Variants in TMOD1 observed in about 807,000 individuals in gnomAD.
The protein encoded by TMOD1 is tropomodulin-1.
A neutral mutation model predicts 40.6 loss-of-function variants in TMOD1; 17 were observed. The observed-to-expected ratio is 0.42, with a 90% confidence interval of 0.29 to 0.63. The LOEUF (loss-of-function observed/expected upper bound fraction) is 0.63, where lower values mean the gene tolerates loss of function less well. Among genes scored for constraint, TMOD1 ranks in the 20% least tolerant of loss-of-function variants. The pLI is 0.22. For synonymous variants in TMOD1, 181 were observed against 175.0 expected, an observed-to-expected ratio of 1.03 and a Z score of -0.27; for missense variants, 391 against 447.6, an observed-to-expected ratio of 0.87 and a Z score of 1.14.
At chr9:97,589,732 C>T (rs926850744) in intron 8 of TMOD1, among the ~76,000 whole-genome samples, 5 of 151,936 alleles carry the variant, frequency 3.3e-5, no homozygotes, top group East Asian at 3.9e-4. Flanking sequence ...CTGTCTAGAC[C>T]CCCCCAGTAA....
intron 1 of TMOD1, among the ~76,000 whole-genome samples, chr9:97,511,097 C>G (rs564791834): frequency 6.6e-6 from 1 of 151,910 alleles, no homozygotes; most frequent in African/African-American, 2.4e-5. Context: ...CACACACACA[C>G]ACACACACAC....
chr9:97,581,329 A>AT (rs564462375), intron 8 of TMOD1, among the ~76,000 whole-genome samples: 3 of 150,090 alleles, frequency 2.0e-5, no homozygotes, highest in African/African-American at 4.9e-5. Flanking sequence ...TGAACTCATC[A>AT]TTTTTTATGG....
At chr9:97,569,415 A>C (rs1830785542) in intron 8 of TMOD1, among the ~76,000 whole-genome samples, 1 of 152,110 alleles carries the variant, frequency 6.6e-6, no homozygotes, top group African/African-American at 2.4e-5. Context: ...TGTTGCACAG[A>C]TCTCATGGAC....
chr9:97,529,898 G>A (rs764600027), intron 2 of TMOD1, among the ~76,000 whole-genome samples: 11 of 152,326 alleles, frequency 7.2e-5, no homozygotes, highest in Middle Eastern at 3.4e-3. Flanking sequence ...AAAGCCCTAC[G>A]TGGATTATCT....
At chr9:97,522,597 C>G (rs1376571393) in intron 1 of TMOD1, among the ~76,000 whole-genome samples, 1 of 152,058 alleles carries the variant, frequency 6.6e-6, no homozygotes, top group Non-Finnish European at 1.5e-5. Context: ...GATCTCACTC[C>G]GTCACCCAGG....
At chr9:97,524,456 G>A (rs1431924724) in intron 2 of TMOD1, 148 bp downstream of exon 2, 4 of 889,892 alleles carry the variant, frequency 4.5e-6, no homozygotes, top group South Asian at 1.8e-5. Context: ...TTCTTTTAAT[G>A]TGTTGTATTA....
At position 97,502,608 on chromosome 9, in the gene TMOD1, C is replaced by T. The variant is rs1053068393; in HGVS notation, c.-49+805C>T. ...GCCGCCTGCGCTCCCCACACCTGTT[C>T]ACCCTCTCCGGGCCTGGGACGCTGG... On this transcript the variant is annotated intron_variant, in intron 1 of 9. Transcript: ENST00000259365. This position sits in a 1 kb window ranked among gnomAD's most constrained non-coding sequence, Gnocchi z 6.1. Among the ~76,000 whole-genome samples, 7 of 152,186 alleles carry T rather than the reference C, an allele frequency of 4.6e-5. No individual in the cohort carries two copies. The highest frequency in any genetic ancestry group is 8.8e-5 in the Non-Finnish European group (6 of 68,026).
At chr9:97,559,797 ATATAT>A (rs1830601653) in intron 4 of TMOD1, among the ~76,000 whole-genome samples, 1 of 57,304 alleles carries the variant, frequency 1.7e-5, no homozygotes, top group Admixed American at 2.1e-4. Context: ...AAAAAAAAAT[ATATAT>A]ATATATATAT....
At chr9:97,508,247 G>A (rs1038416761) in intron 1 of TMOD1, among the ~76,000 whole-genome samples, 1 of 151,808 alleles carries the variant, frequency 6.6e-6, no homozygotes, top group African/African-American at 2.4e-5. Context: ...GGAGGGCAGT[G>A]GGGCGATCTC....
intron 1 of TMOD1, among the ~76,000 whole-genome samples, chr9:97,517,243 G>A (rs546479849): frequency 3.9e-5 from 6 of 152,164 alleles, no homozygotes; most frequent in African/African-American, 1.2e-4. Flanking sequence ...CCAGCTACTC[G>A]AGAGGCTGAG....
intron 2 of TMOD1, among the ~76,000 whole-genome samples, chr9:97,530,006 G>A (rs1830074547): frequency 6.6e-6 from 1 of 152,196 alleles, no homozygotes; most frequent in Non-Finnish European, 1.5e-5. Context: ...GATGCAATCT[G>A]AGCGGTGCTG....
At chr9:97,517,047 G>A (rs1564229165) in intron 1 of TMOD1, among the ~76,000 whole-genome samples, 1 of 152,140 alleles carries the variant, frequency 6.6e-6, no homozygotes, top group Non-Finnish European at 1.5e-5. Context: ...TAGTGGGCCT[G>A]TGGGGGTGGG....
chr9:97,570,488 T>A (rs1805700592), intron 8 of TMOD1, among the ~76,000 whole-genome samples: 2 of 152,130 alleles, frequency 1.3e-5, no homozygotes, highest in African/African-American at 4.8e-5. Flanking sequence ...ATTTACACTA[T>A]GGAAATTGGC....
At chr9:97,587,220 T>G (rs79014029) in intron 8 of TMOD1, among the ~76,000 whole-genome samples, 63 of 152,364 alleles carry the variant, frequency 4.1e-4, no homozygotes, top group African/African-American at 1.5e-3. Flanking sequence ...TAAACATTCA[T>G]GTACAGATTT....
chr9:97,524,815 CT>C lies in TMOD1; in HGVS notation c.120+514del, dbSNP rs199982122. Among the ~76,000 whole-genome samples, 1,106 of 152,040 alleles carry C rather than the reference CT, an allele frequency of 7.3e-3. 16 individuals are homozygous for C. Among genetic ancestry groups the C allele is most frequent in the African/African-American group, 0.026 (1,057 of 41,434 alleles). Reference sequence around the variant, plus strand: ...TTCCGCTTACTTGGAGGAGGGTCAGCTTTTTTTCCCTACTCAGGTCTTCAAC... The same window carrying C: ...TTCCGCTTACTTGGAGGAGGGTCAGCTTTTTTCCCTACTCAGGTCTTCAAC... On this transcript the variant is annotated intron_variant, in intron 2 of 9. Transcript: ENST00000259365.
chr9:97,591,478 T>C lies in TMOD1; in HGVS notation c.1015+43T>C, dbSNP rs148515934. 87 of 1,601,450 alleles carry C rather than the reference T, an allele frequency of 5.4e-5. 1 individual carries two copies. The East Asian group carries it at 1.8e-3, about 33-fold the overall frequency. On this transcript the variant is annotated intron_variant, in intron 9 of 9. Transcript: ENST00000259365. Reference sequence around the variant, plus strand: ...TCCTGCCCTGCCCGCAGTCCTGTTATTCCCTCCACCTGTGCTGGGGATGTC... The same window carrying C: ...TCCTGCCCTGCCCGCAGTCCTGTTACTCCCTCCACCTGTGCTGGGGATGTC...
chr9:97,531,563 A>G (rs1168141692), intron 2 of TMOD1, among the ~76,000 whole-genome samples: 1 of 152,156 alleles, frequency 6.6e-6, no homozygotes, highest in Non-Finnish European at 1.5e-5. Flanking sequence ...GTGAGCCAAG[A>G]TCATGCCACT....
chr9:97,521,690 C>T lies in TMOD1; in HGVS notation c.-48-2451C>T, dbSNP rs539487061. Among the ~76,000 whole-genome samples the T allele has an allele frequency of 2.6e-5, 4 of 152,250 alleles. 1 individual carries two copies. The highest frequency in any genetic ancestry group is 2.1e-4 in the South Asian group (1 of 4,826). On this transcript the variant is annotated intron_variant, in intron 1 of 9. Transcript: ENST00000259365. ...ATTCTTGGGGCCTGGTCAAAGAGGA[C>T]GTTAGGCCAAGCTGAGCCATTCTGA...
intron 2 of TMOD1, among the ~76,000 whole-genome samples, chr9:97,538,691 A>G (rs755595028): frequency 6.6e-6 from 1 of 152,254 alleles, no homozygotes; most frequent in Non-Finnish European, 1.5e-5. Context: ...GTGAATAACT[A>G]TGTGTAATTA....
Sources: allele counts gnomAD v4.1 joint callset (sites outside exome capture counted in the v4.1 genomes callset), GRCh38; gene constraint gnomAD v4.1.1; non-coding constraint Gnocchi (gnomAD v3.1); transcripts MANE v1.5; gene names NCBI Gene and HGNC (gene_info 2026-07-23, HGNC 2026-07-21).